COL11A1: variants seen among roughly 807,000 people sequenced by gnomAD.
COL11A1 encodes the protein collagen alpha-1(XI) chain.
In COL11A1, 74 loss-of-function variants were observed where a neutral mutation model predicts 265.2. The ratio of observed to expected loss-of-function variants is 0.28; its 90% CI spans 0.23 to 0.34. The LOEUF is 0.34. COL11A1 is among the 10% of genes least tolerant of loss of function. The probability of loss-of-function intolerance (pLI) is 1.00; values close to 1 mark genes in which losing one functional copy is unlikely to be tolerated. For missense variants in COL11A1, 2,165 were observed against 2,263.6 expected (o/e 0.96, Z 0.88); for synonymous variants, 816 against 727.6 (o/e 1.12, Z -1.96).
At chr1:102,957,253 A>G (rs1016115552) in intron 41 of COL11A1, among the ~76,000 whole-genome samples, 2 of 152,036 alleles carry the variant, frequency 1.3e-5, no homozygotes, top group African/African-American at 2.4e-5. Context: ...ACTTGAATGG[A>G]TACATTAGAA....
intron 30 of COL11A1, among the ~76,000 whole-genome samples, chr1:102,986,036 C>T (rs180811326): frequency 6.6e-5 from 10 of 152,186 alleles, no homozygotes; most frequent in Admixed American, 1.3e-4. Flanking sequence ...TGACTATTCA[C>T]ACTCTCTATC....
chr1:103,059,128 C>G (rs1670461628), intron 4 of COL11A1, among the ~76,000 whole-genome samples: 1 of 152,132 alleles, frequency 6.6e-6, no homozygotes, highest in Admixed American at 6.6e-5. Flanking sequence ...TAAAGAAAAG[C>G]ATGATATAAC....
intron 4 of COL11A1, among the ~76,000 whole-genome samples, chr1:103,068,663 G>A (rs897920446): frequency 6.6e-6 from 1 of 150,958 alleles, no homozygotes; most frequent in African/African-American, 2.4e-5. Context: ...TTGCAAAATG[G>A]TCCCTACTTT....
At chr1:102,914,938 C>T (rs1212240294) in intron 50 of COL11A1, 127 bp from the exon 51 acceptor site, 1 of 750,630 alleles carries the variant, frequency 1.3e-6, no homozygotes, top group Admixed American at 2.6e-5. Flanking sequence ...CGGAATATCA[C>T]TTTGTCACCA....
chr1:103,067,957 A>T (rs2102241228), intron 4 of COL11A1, among the ~76,000 whole-genome samples: 1 of 151,762 alleles, frequency 6.6e-6, no homozygotes, highest in African/African-American at 2.4e-5. Flanking sequence ...ATGTTAAAAC[A>T]ATTCTAAAAA....
chr1:103,043,022 TA>T (rs1668942305), intron 4 of COL11A1, among the ~76,000 whole-genome samples: 1 of 147,206 alleles, frequency 6.8e-6, no homozygotes, highest in Admixed American at 6.9e-5. Flanking sequence ...ATGAAATATA[TA>T]TGATATATAT....
intron 1 of COL11A1, among the ~76,000 whole-genome samples, chr1:103,091,951 A>G (rs993215131): frequency 6.6e-6 from 1 of 152,144 alleles, no homozygotes; most frequent in Non-Finnish European, 1.5e-5. Context: ...CTTTTCAGAA[A>G]ATAGAAATCC....
intron 4 of COL11A1, among the ~76,000 whole-genome samples, chr1:103,073,866 ACTGT>A (rs1237752932): frequency 2.0e-4 from 30 of 152,086 alleles, no homozygotes; most frequent in Admixed American, 1.8e-3. Flanking sequence ...TCCAGGTGAA[ACTGT>A]CTATTAATTT....
At chr1:103,009,300 G>A (rs1230240034) in intron 14 of COL11A1, among the ~76,000 whole-genome samples, 2 of 152,158 alleles carry the variant, frequency 1.3e-5, no homozygotes, top group Non-Finnish European at 2.9e-5. Context: ...TGTAATCCCA[G>A]CTACTCAGGA....
chr1:102,877,875 AG>A lies in COL11A1; in HGVS notation c.*143del. Reference sequence around the variant, plus strand: ...TTGCCATGTGATTCTGCCCCCACAAAGGCATCGGTATTTCCTAAATGGTACC... The same window carrying A: ...TTGCCATGTGATTCTGCCCCCACAAAGCATCGGTATTTCCTAAATGGTACC... On this transcript the variant is annotated 3_prime_UTR_variant, in exon 67 of 67. Coordinates refer to ENST00000370096, the MANE Select transcript of COL11A1 (RefSeq NM_001854.4). The A allele has an allele frequency of 1.3e-6, 1 of 754,722 alleles. No individual in the cohort carries two copies. Among genetic ancestry groups the A allele is most frequent in the South Asian group, 1.6e-5 (1 of 60,944 alleles). 46.8% of individuals were successfully genotyped at this position (754,722 alleles called of 1,614,324 possible). A position where few individuals can be genotyped will look rare whatever the true frequency, so the allele number is the denominator to read the frequency against.
At chr1:103,049,030 A>G (rs1036039881) in intron 4 of COL11A1, among the ~76,000 whole-genome samples, 1 of 152,118 alleles carries the variant, frequency 6.6e-6, no homozygotes, top group African/African-American at 2.4e-5. Context: ...TATGTGGTCA[A>G]TTTTGGAATA....
Position 103,031,262 on chromosome 1 carries a change from A to T in COL11A1, c.652-18T>A, listed in dbSNP as rs200309861. On this transcript the variant is annotated intron_variant, in intron 4 of 66. Transcript: ENST00000370096. ...ATGTCCCCCTGGGAAAAAAAAAAAA[A>T]CAAAAACAAACAGACACAGATTCAG... is the stretch of plus-strand genomic sequence containing the variant. The T allele has an allele frequency of 6.6e-7, 1 of 1,524,314 alleles. No individual in the cohort carries two copies. The highest frequency in any genetic ancestry group is 9.0e-7 in the Non-Finnish European group (1 of 1,116,922). The allele number at this position is 1,524,314 out of a possible 1,614,324, so 94.4% of individuals were successfully genotyped here.
intron 53 of COL11A1, among the ~76,000 whole-genome samples, chr1:102,913,403 T>C (rs1029337050): frequency 2.0e-4 from 30 of 152,174 alleles, no homozygotes; most frequent in Non-Finnish European, 3.8e-4. Flanking sequence ...ACCTTATTAG[T>C]ATAATATGAT....
At chr1:103,073,820 G>A (rs1412634399) in intron 4 of COL11A1, among the ~76,000 whole-genome samples, 1 of 151,684 alleles carries the variant, frequency 6.6e-6, no homozygotes, top group South Asian at 2.1e-4. Context: ...ACACATCTGT[G>A]TATGTATAGT....
intron 26 of COL11A1, 36 bp downstream of exon 26, chr1:102,997,044 T>C (rs748702336): frequency 8.9e-6 from 14 of 1,577,934 alleles, no homozygotes; most frequent in Non-Finnish European, 1.1e-5. Context: ...TGGAAATTTA[T>C]TAATAGGACA....
At chr1:103,050,730 T>C (rs1171709097) in intron 4 of COL11A1, among the ~76,000 whole-genome samples, 2 of 152,144 alleles carry the variant, frequency 1.3e-5, no homozygotes, top group African/African-American at 2.4e-5. Flanking sequence ...ATCTTTGTGG[T>C]TTTATCTACC....
At chr1:103,007,131 C>G (rs2101861022) in intron 15 of COL11A1, among the ~76,000 whole-genome samples, 1 of 152,086 alleles carries the variant, frequency 6.6e-6, no homozygotes, top group Admixed American at 6.5e-5. Context: ...CCTATTTTTC[C>G]CCACTATACT....
intron 1 of COL11A1, among the ~76,000 whole-genome samples, chr1:103,093,129 G>T (rs1673461162): frequency 6.6e-6 from 1 of 152,076 alleles, no homozygotes; most frequent in South Asian, 2.1e-4. Flanking sequence ...GTGGGTGAGG[G>T]TGGCTATGAG....
At chr1:102,896,634 G>A (rs1236511621) in intron 57 of COL11A1, among the ~76,000 whole-genome samples, 1 of 152,114 alleles carries the variant, frequency 6.6e-6, no homozygotes, top group African/African-American at 2.4e-5. Context: ...TAAAGGATTT[G>A]GAAATTATTC....
Sources: allele counts gnomAD v4.1 joint callset (sites outside exome capture counted in the v4.1 genomes callset), GRCh38; gene constraint gnomAD v4.1.1; transcripts MANE v1.5; gene names NCBI Gene and HGNC (gene_info 2026-07-23, HGNC 2026-07-21).